SUPT3H: variants seen among roughly 807,000 people sequenced by gnomAD.
SUPT3H encodes transcription initiation protein SPT3 homolog.
Under a neutral mutation model 44.3 loss-of-function variants are expected in SUPT3H, and 44 were observed. That is an observed-to-expected ratio of 0.99 (90% CI 0.78 to 1.28). SUPT3H has a LOEUF of 1.28. SUPT3H is among the 50% of genes most tolerant of loss of function. The pLI is 0.00. For missense variants in SUPT3H, 380 were observed against 387.1 expected (o/e 0.98, Z 0.15); for synonymous variants, 124 against 125.6 (o/e 0.99, Z 0.09).
chr6:44,887,133 CA>C (rs1582231779), intron 10 of SUPT3H, among the ~76,000 whole-genome samples: 1 of 152,178 alleles, frequency 6.6e-6, no homozygotes, highest in East Asian at 1.9e-4. Flanking sequence ...CCTGTGTGAC[CA>C]ACAAAGAGAC....
At chr6:44,897,613 C>A (rs1393179518) in intron 10 of SUPT3H, among the ~76,000 whole-genome samples, 9 of 152,176 alleles carry the variant, frequency 5.9e-5, no homozygotes, top group Non-Finnish European at 1.2e-4. Context: ...GCCATGCTTC[C>A]ATTTTTAGCT....
intron 3 of SUPT3H, among the ~76,000 whole-genome samples, chr6:45,102,980 GA>G (rs1798800726): frequency 6.6e-6 from 1 of 151,734 alleles, no homozygotes; most frequent in South Asian, 2.1e-4. Context: ...AGAATTACAG[GA>G]AAAAACTGAT....
chr6:45,283,407 GA>G (rs1164861557), intron 2 of SUPT3H, among the ~76,000 whole-genome samples: 1 of 151,534 alleles, frequency 6.6e-6, no homozygotes, highest in African/African-American at 2.4e-5. Flanking sequence ...CAAGCAAATG[GA>G]AAACAAAAAA....
At chr6:45,119,940 T>C (rs73737901) in intron 2 of SUPT3H, among the ~76,000 whole-genome samples, 3,743 of 152,198 alleles carry the variant, frequency 0.025, 166 homozygotes, top group African/African-American at 0.085. Flanking sequence ...ATGATAGTTA[T>C]GACAAAATGA....
At chr6:45,174,522 T>C (rs979271336) in intron 2 of SUPT3H, among the ~76,000 whole-genome samples, 40 of 151,880 alleles carry the variant, frequency 2.6e-4, no homozygotes, top group African/African-American at 5.1e-4. Context: ...TAAAGTGAGG[T>C]GAATAAGAGA....
chr6:44,922,377 T>C (rs993320599), intron 10 of SUPT3H, among the ~76,000 whole-genome samples: 56 of 152,244 alleles, frequency 3.7e-4, no homozygotes, highest in Admixed American at 1.4e-3. Flanking sequence ...AATCCACTTA[T>C]TATGTTCTGG....
intron 10 of SUPT3H, among the ~76,000 whole-genome samples, chr6:44,830,733 C>T (rs1313205746): frequency 1.3e-5 from 2 of 152,010 alleles, no homozygotes; most frequent in Non-Finnish European, 2.9e-5. Context: ...GTAACAGTCA[C>T]ATCCAGAGAA....
chr6:44,956,735 T>C (rs981713283), intron 7 of SUPT3H, among the ~76,000 whole-genome samples: 24 of 152,254 alleles, frequency 1.6e-4, no homozygotes, highest in Middle Eastern at 3.4e-3. Flanking sequence ...TGTCTACTCC[T>C]ACTCCTTTCC....
At chr6:44,975,146 G>C (rs1778143673) in intron 6 of SUPT3H, among the ~76,000 whole-genome samples, 1 of 147,174 alleles carries the variant, frequency 6.8e-6, no homozygotes, top group Admixed American at 7.0e-5. Context: ...ACTCCAGCCT[G>C]GGTGACACAG....
chr6:44,905,066 C>T (rs1765768601), intron 10 of SUPT3H, among the ~76,000 whole-genome samples: 1 of 151,966 alleles, frequency 6.6e-6, no homozygotes, highest in African/African-American at 2.4e-5. Flanking sequence ...CCATAAAAAC[C>T]CTAGAAGAAA....
At chr6:45,085,220 G>A (rs1026547411) in intron 3 of SUPT3H, among the ~76,000 whole-genome samples, 1 of 152,056 alleles carries the variant, frequency 6.6e-6, no homozygotes, top group Non-Finnish European at 1.5e-5. Flanking sequence ...AATGTGATTT[G>A]AAATTTTTTC....
intron 2 of SUPT3H, among the ~76,000 whole-genome samples, chr6:45,188,432 G>A (rs1814606194): frequency 6.6e-6 from 1 of 152,200 alleles, no homozygotes; most frequent in Non-Finnish European, 1.5e-5. Flanking sequence ...GCTTAGTGAA[G>A]GTGGAAAAGG....
At chr6:45,172,400 T>C (rs376664937) in intron 2 of SUPT3H, among the ~76,000 whole-genome samples, 1 of 152,008 alleles carries the variant, frequency 6.6e-6, no homozygotes. Flanking sequence ...TATAAAATAT[T>C]ATCCTTACAT....
intron 3 of SUPT3H, among the ~76,000 whole-genome samples, chr6:45,028,479 C>T (rs962713616): frequency 6.6e-6 from 1 of 150,718 alleles, no homozygotes; most frequent in African/African-American, 2.4e-5. Flanking sequence ...TTCTCACCTG[C>T]TATTTAGTCC....
chr6:45,286,844 A>G (rs1278251881), intron 2 of SUPT3H, among the ~76,000 whole-genome samples: 2 of 152,232 alleles, frequency 1.3e-5, no homozygotes, highest in African/African-American at 4.8e-5. Flanking sequence ...AACCAAGCCA[A>G]ATGTCCATCA....
intron 2 of SUPT3H, among the ~76,000 whole-genome samples, chr6:45,238,161 A>G (rs1769560171): frequency 6.6e-6 from 1 of 152,208 alleles, no homozygotes; most frequent in African/African-American, 2.4e-5. Context: ...TACATTATTC[A>G]GTATATGGAT....
At chr6:45,302,516 T>TGA (rs1442181627) in intron 2 of SUPT3H, among the ~76,000 whole-genome samples, 1 of 6,030 alleles carries the variant, frequency 1.7e-4, no homozygotes, top group African/African-American at 1.3e-3. Context: ...ATCTCAGGAA[T>TGA]ATATATATAT....
At position 44,944,297 on chromosome 6, in the gene SUPT3H, A is replaced by G. The variant is rs185849481; in HGVS notation, c.801+9013T>C. Among the ~76,000 whole-genome samples the G allele has an allele frequency of 3.3e-3, 506 of 152,310 alleles. 5 individuals are homozygous for G. The highest frequency in any genetic ancestry group is 0.012 in the African/African-American group (486 of 41,574). ...AAAGATATCATAAAGAAATCAATAT[A>G]TAAATTAAAGGGAATTTCTAAAAAA... On this transcript the variant is annotated intron_variant, in intron 9 of 10. Coordinates refer to ENST00000371459, the MANE Select transcript of SUPT3H (RefSeq NM_003599.4).
chr6:45,011,358 T>C (rs573750544), intron 5 of SUPT3H, among the ~76,000 whole-genome samples: 21 of 152,232 alleles, frequency 1.4e-4, no homozygotes, highest in African/African-American at 5.1e-4. Context: ...TTTGCTATTG[T>C]CCTGTTCAGA....
Sources: gnomAD v4.1 joint callset for allele counts (sites outside exome capture counted in the v4.1 genomes callset) on GRCh38, gnomAD v4.1.1 for gene constraint, MANE v1.5 for transcripts, NCBI Gene and HGNC (gene_info 2026-07-23, HGNC 2026-07-21) for gene names.